The following MRPL32 variants were observed in gnomAD, a reference collection of about 807,000 sequenced individuals.
MRPL32 encodes large ribosomal subunit protein bL32m.
Under a neutral mutation model 21.7 loss-of-function variants are expected in MRPL32, and 14 were observed. The ratio of observed to expected loss-of-function variants is 0.64; its 90% CI spans 0.43 to 1.01. The LOEUF (loss-of-function observed/expected upper bound fraction) is 1.01. Among genes scored for constraint, MRPL32 ranks in the 50% least tolerant of loss-of-function variants. MRPL32 has a pLI of 0.00. For missense variants in MRPL32, 211 were observed against 235.9 expected (o/e 0.89, Z 0.69); for synonymous variants, 83 against 87.7 (o/e 0.95, Z 0.30).
In MRPL32 at chr7:42,933,877, C is replaced by T. The variant is rs537661663; in HGVS notation, c.131-1078C>T. Among the ~76,000 whole-genome samples, 142 of 152,170 alleles carry T rather than the reference C, an allele frequency of 9.3e-4. 2 individuals carry two copies. Among genetic ancestry groups the T allele is most frequent in the African/African-American group, 3.3e-3 (137 of 41,502 alleles). On this transcript the variant is annotated intron_variant, in intron 1 of 2. Coordinates refer to ENST00000223324, the MANE Select transcript of MRPL32 (RefSeq NM_031903.3). ...GTCCTGAGCCTGTGTTGTTAATCAC[C>T]GGGGCATGCTTGGCAATACTTGTGG...
chr7:42,937,247 C>T, intron 2 of MRPL32, 75 bp from the exon 3 acceptor site: 1 of 1,610,998 alleles, frequency 6.2e-7, no homozygotes, highest in Non-Finnish European at 8.5e-7. Context: ...AAAATGTAAG[C>T]ATTGCTCCTG....
Position 42,937,100 on chromosome 7 carries a change from TC to T in MRPL32, c.313-221del, listed in dbSNP as rs945094619. On this transcript the variant is annotated intron_variant, in intron 2 of 2. Coordinates refer to ENST00000223324, the MANE Select transcript of MRPL32 (RefSeq NM_031903.3). Reference sequence around the variant, plus strand: ...CTGTGTTTAAGTAAAGATACCAGATTCAGGTTGGCTGAATTCTAGTTCTAGT... The same window carrying T: ...CTGTGTTTAAGTAAAGATACCAGATTAGGTTGGCTGAATTCTAGTTCTAGT... 3 of 1,087,496 alleles carry T rather than the reference TC, an allele frequency of 2.8e-6. No individual in the cohort carries two copies. In the African/African-American group the frequency reaches 4.7e-5, roughly 17 times the overall value. The allele number at this position is 1,087,496 out of a possible 1,614,324, so 67.4% of individuals were successfully genotyped here.
At chr7:42,936,714 A>G (rs1408614515) in intron 2 of MRPL32, 3 of 158,074 alleles carry the variant, frequency 1.9e-5, no homozygotes, top group Non-Finnish European at 4.1e-5. Context: ...ACACACACAT[A>G]TATATATCAT....
intron 2 of MRPL32, 59 bp from the exon 3 acceptor site, chr7:42,937,263 G>A: frequency 6.2e-7 from 1 of 1,611,454 alleles, no homozygotes; most frequent in South Asian, 1.1e-5. Flanking sequence ...TCCTGTCAGT[G>A]GTTATTTGTT....
intron 1 of MRPL32, among the ~76,000 whole-genome samples, chr7:42,934,744 A>C (rs1394360031): frequency 1.3e-5 from 2 of 152,216 alleles, no homozygotes; most frequent in Admixed American, 1.3e-4. Flanking sequence ...AGGATCCGCT[A>C]AGAAAAAATT....
intron 1 of MRPL32, 71 bp downstream of exon 1, chr7:42,932,587 TAC>T: frequency 6.8e-7 from 1 of 1,470,276 alleles, no homozygotes; most frequent in Non-Finnish European, 9.1e-7. Flanking sequence ...AGACGCAGCT[TAC>T]ACAGTTCGCC....
chr7:42,937,408 G>T lies in MRPL32; in HGVS notation c.399G>T (p.Glu133Asp), dbSNP rs759897615. The change falls in exon 3 of 3, where the codon GAG (glutamate) becomes GAT (aspartate). Residue 133 changes from glutamate (E) to aspartate (D), a missense_variant. By Grantham distance (45) the Glu-to-Asp change is conservative. Coordinates refer to ENST00000223324, the MANE Select transcript of MRPL32 (RefSeq NM_031903.3). Reference protein sequence around the residue: ...CAYCYEKVCKETAEIRRQIGK... With the variant: ...CAYCYEKVCKDTAEIRRQIGK... ...ACTGCTATGAAAAGGTGTGCAAGGA[G>T]ACTGCAGAAATCAGACGACAGATAG... The T allele has an allele frequency of 5.6e-6, 9 of 1,614,058 alleles. No homozygotes were observed. Among genetic ancestry groups the T allele is most frequent in the African/African-American group, 1.3e-5 (1 of 74,932 alleles).
rs1201871389 is a variant in MRPL32, at chr7:42,934,963, T to A, written c.139T>A (p.Leu47Ile). The change falls in exon 2 of 3, where the codon TTA becomes ATA. Residue 47 changes from leucine (L) to isoleucine (I), a missense_variant. This residue lies in a region of MRPL32 where 130 missense variants were observed against 180.1 expected (regional missense o/e 0.72). Transcript: ENST00000223324. ...GFPSPPWGPALAVQGPAMFTE... is the reference protein window; with the variant it reads ...GFPSPPWGPAIAVQGPAMFTE... ...TATGTTTTATTTCCTAGGACCAGCA[T>A]TAGCAGTACAGGGCCCAGCCATGTT... The A allele has an allele frequency of 6.3e-7, 1 of 1,588,718 alleles. No individual in the cohort carries two copies. The highest frequency in any genetic ancestry group is 1.4e-5 in the African/African-American group (1 of 73,442).
intron 2 of MRPL32, 80 bp from the exon 3 acceptor site, chr7:42,937,242 G>A: frequency 6.2e-7 from 1 of 1,610,750 alleles, no homozygotes; most frequent in Non-Finnish European, 8.5e-7. Flanking sequence ...AAGTTAAAAT[G>A]TAAGCATTGC....
At chr7:42,932,701 CAAAAA>C (rs148378814) in intron 1 of MRPL32, among the ~76,000 whole-genome samples, 185 bp downstream of exon 1, 8 of 134,606 alleles carry the variant, frequency 5.9e-5, no homozygotes, top group Non-Finnish European at 3.2e-5. Flanking sequence ...CCCTCCACCG[CAAAAA>C]AAAAAAAAAA....
Position 42,932,536 on chromosome 7 carries a change from G to T in MRPL32, c.130+20G>T. ...CGTGGGGTAGGTAAAGAAGGGCTCC[G>T]TGGGAGAGGGGGCTGATGACGGGAC... On this transcript the variant is annotated intron_variant, in intron 1 of 2. Transcript: ENST00000223324. The T allele has an allele frequency of 3.2e-6, 5 of 1,581,838 alleles. No homozygotes were observed. Among genetic ancestry groups the T allele is most frequent in the Non-Finnish European group, 4.3e-6 (5 of 1,158,528 alleles).
chr7:42,933,840 A>G (rs542830746), intron 1 of MRPL32, among the ~76,000 whole-genome samples: 3 of 152,210 alleles, frequency 2.0e-5, no homozygotes, highest in African/African-American at 7.2e-5. Flanking sequence ...AATGGTCCCA[A>G]GTTCACAGAC....
chr7:42,937,736 T>A lies in MRPL32; in HGVS notation c.*160T>A. On this transcript the variant is annotated 3_prime_UTR_variant, in exon 3 of 3. Transcript: ENST00000223324. ...GATAATTTGAAGAATATATTATGAGTAAACTCCGAAAATTTTGTTTATCCA... is the reference window on the plus strand; with the variant it reads ...GATAATTTGAAGAATATATTATGAGAAAACTCCGAAAATTTTGTTTATCCA... The A allele has an allele frequency of 1.4e-6, 1 of 713,882 alleles. No individual in the cohort carries two copies. Among genetic ancestry groups the A allele is most frequent in the Non-Finnish European group, 2.1e-6 (1 of 480,744 alleles). 44.2% of individuals were successfully genotyped at this position (713,882 alleles called of 1,614,324 possible).
intron 1 of MRPL32, among the ~76,000 whole-genome samples, chr7:42,934,720 ATCT>A (rs1370195231): frequency 2.6e-5 from 4 of 152,184 alleles, no homozygotes; most frequent in South Asian, 2.1e-4. Context: ...AATTTCACTG[ATCT>A]TCTTTTCAGC....
chr7:42,932,567 G>A, intron 1 of MRPL32, 51 bp downstream of exon 1: 3 of 1,530,612 alleles, frequency 2.0e-6, no homozygotes, highest in Non-Finnish European at 2.6e-6. Context: ...GGGACCTCGG[G>A]CAGCGTAGCA....
intron 1 of MRPL32, among the ~76,000 whole-genome samples, chr7:42,933,472 C>CT (rs1786366380): frequency 1.3e-5 from 2 of 151,658 alleles, no homozygotes; most frequent in Admixed American, 6.6e-5. Context: ...CCCCTCTCCC[C>CT]CCTCTCCTCT....
Position 42,935,083 on chromosome 7 carries a change from A to G in MRPL32, c.259A>G (p.Ile87Val), listed in dbSNP as rs778828630. 16 of 1,614,102 alleles carry G rather than the reference A, an allele frequency of 9.9e-6. No individual in the cohort carries two copies. Among genetic ancestry groups the G allele is most frequent in the Non-Finnish European group, 1.4e-5 (16 of 1,179,990 alleles). The change falls in exon 2 of 3, where the codon ATT becomes GTT. Residue 87 changes from isoleucine (I) to valine (V), a missense_variant. Transcript: ENST00000223324. ...GGCAGCTCCCAAAAATAGACGCACC[A>G]TTGAAGTTAACCGGTGTAGGAGAAG... ...WMAAPKNRRT[I>V]EVNRCRRRNP...
In MRPL32 at chr7:42,936,809, A is replaced by G. The variant is rs1049708918; in HGVS notation, c.313-513A>G. 3.3e-5 allele frequency: 6 copies of G among 179,480 alleles called. No homozygotes were observed. The East Asian group carries it at 7.5e-4, about 22-fold the overall frequency. The allele number at this position is 179,480 out of a possible 1,614,324, so 11.1% of individuals were successfully genotyped here. On this transcript the variant is annotated intron_variant, in intron 2 of 2. Coordinates refer to ENST00000223324, the MANE Select transcript of MRPL32 (RefSeq NM_031903.3). ...CATTTTTAAAAAGAAAAATTATACC[A>G]TATACGAAACCTGTATTCTGTACAG... is the stretch of plus-strand genomic sequence containing the variant.
rs1583615203 is a variant in MRPL32 at position 42,937,758 on chromosome 7, T to C, written c.*182T>C. On this transcript the variant is annotated 3_prime_UTR_variant, in exon 3 of 3. Transcript: ENST00000223324. ...GAGTAAACTCCGAAAATTTTGTTTA[T>C]CCAAAGGCTCAATGGATTATGTTTC... is the stretch of plus-strand genomic sequence containing the variant. The C allele has an allele frequency of 9.5e-6, 5 of 527,260 alleles. No individual in the cohort carries two copies. The highest frequency in any genetic ancestry group is 1.3e-5 in the Non-Finnish European group (4 of 315,968). The allele number at this position is 527,260 out of a possible 1,614,324, so 32.7% of individuals were successfully genotyped here.
Sources: allele counts gnomAD v4.1 joint callset (sites outside exome capture counted in the v4.1 genomes callset), GRCh38; gene constraint gnomAD v4.1.1; regional missense constraint gnomAD v4.1.1; transcripts MANE v1.5; gene names NCBI Gene and HGNC (gene_info 2026-07-23, HGNC 2026-07-21).